THRAP3: variants seen among roughly 807,000 people sequenced by gnomAD.
THRAP3 encodes thyroid hormone receptor-associated protein 3.
In THRAP3, 16 loss-of-function variants were observed where a neutral mutation model predicts 101.0. The observed-to-expected ratio is 0.16, with a 90% CI of 0.11 to 0.24. THRAP3 has a LOEUF of 0.24. Ranked by LOEUF, THRAP3 falls within the 10% of genes least tolerant of loss-of-function variation. The pLI is 1.00. For missense variants in THRAP3, 989 were observed against 1,202.7 expected (o/e 0.82, Z 2.63); for synonymous variants, 407 against 422.6 (o/e 0.96, Z 0.45).
At position 36,280,932 on chromosome 1, in the gene THRAP3, T is replaced by TA. The variant is rs1645723646; in HGVS notation, c.-31-1601_-31-1600insA. ...AAAGTTGACTCTTTATTTTTATTTA[T>TA]TTTTTTTTTTGAGACGGAGTTTTGC... On this transcript the variant is annotated intron_variant, in intron 2 of 11. Coordinates refer to ENST00000354618, the MANE Select transcript of THRAP3 (RefSeq NM_005119.4). 2.0e-5 allele frequency among the ~76,000 whole-genome samples: 3 copies of TA among 146,986 alleles called. No homozygotes were observed. In the South Asian group the frequency reaches 6.4e-4, roughly 32 times the overall value.
rs2124467068 is a variant in THRAP3 at position 36,254,192 on chromosome 1, A to C, written c.-134-5190A>C. On this transcript the variant is annotated intron_variant, in intron 1 of 11. Coordinates refer to ENST00000354618, the MANE Select transcript of THRAP3 (RefSeq NM_005119.4). ...CTCAAGAAAAAAAGTCTGCAGAGAA[A>C]CTGCTGATAAATAACCTTACATTTT... Among the ~76,000 whole-genome samples, 3 of 152,308 alleles carry C rather than the reference A, an allele frequency of 2.0e-5. No individual in the cohort carries two copies. In the South Asian group the frequency reaches 6.2e-4, roughly 32 times the overall value.
chr1:36,256,775 T>C (rs1645381154), intron 1 of THRAP3, among the ~76,000 whole-genome samples: 1 of 152,182 alleles, frequency 6.6e-6, no homozygotes, highest in Non-Finnish European at 1.5e-5. Flanking sequence ...CAACAGCTCA[T>C]TGGTAACCGT....
intron 4 of THRAP3, chr1:36,287,653 CT>C (rs1343913654): frequency 1.0e-6 from 1 of 985,316 alleles, no homozygotes; most frequent in Non-Finnish European, 1.2e-6. Context: ...CACCCACCAT[CT>C]ACTATGTTCG....
intron 2 of THRAP3, among the ~76,000 whole-genome samples, chr1:36,267,405 T>A (rs992030762): frequency 6.6e-6 from 1 of 152,194 alleles, no homozygotes; most frequent in African/African-American, 2.4e-5. Flanking sequence ...GAATCATCAT[T>A]TTACTGATGA....
chr1:36,233,077 C>CAGGAT (rs1645046893), intron 1 of THRAP3, among the ~76,000 whole-genome samples: 1 of 151,602 alleles, frequency 6.6e-6, no homozygotes, highest in African/African-American at 2.4e-5. Flanking sequence ...CCGTGTTGGC[C>CAGGAT]AGGATGGTCT....
chr1:36,231,088 A>T (rs1331245496), intron 1 of THRAP3, among the ~76,000 whole-genome samples: 1 of 151,984 alleles, frequency 6.6e-6, no homozygotes, highest in Non-Finnish European at 1.5e-5. Context: ...CCTGTTCTGG[A>T]TATATCATAG....
chr1:36,289,632 C>G lies in THRAP3; in HGVS notation c.1613C>G (p.Pro538Arg). The G allele has an allele frequency of 6.2e-7, 1 of 1,614,132 alleles. No homozygotes were observed. Among genetic ancestry groups the G allele is most frequent in the Non-Finnish European group, 8.5e-7 (1 of 1,180,008 alleles). The part of the protein sequence containing the change: ...AVQEKSSSPP[P>R]RKTSESRDKL... The stretch of plus-strand genomic sequence containing the variant: ...CAGGAGAAAAGCTCATCACCTCCCC[C>G]AAGAAAGACCTCTGAGAGCCGAGAC... Residue 538 changes from proline to arginine, a missense_variant, in exon 5 of 12, where the codon CCA becomes CGA. Coordinates refer to ENST00000354618, the MANE Select transcript of THRAP3 (RefSeq NM_005119.4).
intron 1 of THRAP3, among the ~76,000 whole-genome samples, chr1:36,241,064 G>A (rs1331706051): frequency 2.0e-5 from 3 of 151,852 alleles, no homozygotes; most frequent in Admixed American, 6.6e-5. Flanking sequence ...AAAATTATCC[G>A]GGCGTGGTGG....
At chr1:36,300,803 G>T in intron 9 of THRAP3, 83 bp from the exon 10 acceptor site, 3 of 1,387,302 alleles carry the variant, frequency 2.2e-6, no homozygotes, top group Middle Eastern at 5.1e-4. Context: ...ACTTTTGATT[G>T]CCCTGTGCTT....
At chr1:36,220,056 G>A (rs979156014), upstream of THRAP3, among the ~76,000 whole-genome samples, 13 of 152,182 alleles carry the variant, frequency 8.5e-5, no homozygotes, top group East Asian at 1.9e-4. Context: ...GTGCAATGGC[G>A]TGACCTTGGC....
intron 1 of THRAP3, among the ~76,000 whole-genome samples, chr1:36,228,128 C>T (rs931666263): frequency 2.7e-5 from 4 of 150,458 alleles, no homozygotes; most frequent in African/African-American, 2.5e-5. Context: ...CTCACTGCAA[C>T]CTCTGTCTTC....
chr1:36,217,123 G>C, the THRAP3 span, among the ~76,000 whole-genome samples: 177 of 152,230 alleles, frequency 1.2e-3, no homozygotes, highest in African/African-American at 4.2e-3. Flanking sequence ...TCTCTGCTTT[G>C]AGAGGAACTC....
chr1:36,291,552 T>G lies in THRAP3; in HGVS notation c.1918+6T>G, dbSNP rs752575624. 6.2e-7 allele frequency: 1 copy of G among 1,613,272 alleles called. No homozygotes were observed. Among genetic ancestry groups the G allele is most frequent in the Non-Finnish European group, 8.5e-7 (1 of 1,179,310 alleles). On this transcript the variant is annotated splice_donor_region_variant and intron_variant, in intron 6 of 11. Coordinates refer to ENST00000354618, the MANE Select transcript of THRAP3 (RefSeq NM_005119.4). ...CATTGTTCACCATGTTAAAGGTGAG[T>G]CCAGACCCTGGCCTGCTTCAGGCTC...
chr1:36,258,188 T>C (rs899887489), intron 1 of THRAP3, among the ~76,000 whole-genome samples: 1 of 152,192 alleles, frequency 6.6e-6, no homozygotes, highest in Admixed American at 6.5e-5. Context: ...AAGAGCAGTT[T>C]GCAGTCCTGT....
At chr1:36,260,597 C>T (rs566057695) in intron 2 of THRAP3, among the ~76,000 whole-genome samples, 6 of 152,112 alleles carry the variant, frequency 3.9e-5, no homozygotes, top group South Asian at 4.2e-4. Context: ...CCGAGGCGGG[C>T]GGATCACAAG....
At chr1:36,213,971 AAG>A in the THRAP3 span, among the ~76,000 whole-genome samples, 1 of 103,286 alleles carries the variant, frequency 9.7e-6, no homozygotes, top group Non-Finnish European at 1.9e-5. Context: ...AGGAAAGAGA[AAG>A]AAAGAAAGAA....
intron 9 of THRAP3, 143 bp downstream of exon 9, chr1:36,296,913 CAGGT>C: frequency 1.8e-6 from 1 of 566,972 alleles, no homozygotes; most frequent in South Asian, 4.6e-5. Context: ...ATGTAAATGT[CAGGT>C]AGGGTCCCTA....
chr1:36,210,970 G>C, the THRAP3 span, among the ~76,000 whole-genome samples: 1 of 150,648 alleles, frequency 6.6e-6, no homozygotes, highest in South Asian at 2.1e-4. Flanking sequence ...CTGGCACTCT[G>C]GGGGGCCGAG....
At chr1:36,250,099 C>T (rs566721440) in intron 1 of THRAP3, among the ~76,000 whole-genome samples, 1 of 151,928 alleles carries the variant, frequency 6.6e-6, no homozygotes, top group African/African-American at 2.4e-5. Flanking sequence ...TTACAAAATT[C>T]GGCAATTACA....
Sources: allele counts gnomAD v4.1 joint callset (sites outside exome capture counted in the v4.1 genomes callset), GRCh38; gene constraint gnomAD v4.1.1; transcripts MANE v1.5; gene names NCBI Gene and HGNC (gene_info 2026-07-23, HGNC 2026-07-21).